FSTL4: variants seen among roughly 807,000 people sequenced by gnomAD.
FSTL4 encodes the protein follistatin like 4.
Under a neutral mutation model 78.2 loss-of-function variants are expected in FSTL4, and 28 were observed. The ratio of observed to expected loss-of-function variants is 0.36; its 90% confidence interval spans 0.27 to 0.49. FSTL4 has a LOEUF of 0.49. Among genes scored for constraint, FSTL4 ranks in the 20% least tolerant of loss-of-function variants. The pLI is 0.98. For synonymous variants in FSTL4, 422 were observed against 440.5 expected (o/e 0.96, Z 0.53); for missense variants, 922 against 1,084.9 (o/e 0.85, Z 2.11).
At chr5:133,597,317 C>T (rs571764326) in intron 2 of FSTL4, among the ~76,000 whole-genome samples, 2 of 152,242 alleles carry the variant, frequency 1.3e-5, no homozygotes, top group East Asian at 1.9e-4. Flanking sequence ...GAAGCAAAAG[C>T]AACAACCCAC....
intron 6 of FSTL4, among the ~76,000 whole-genome samples, chr5:133,287,173 G>A (rs1019946138): frequency 6.6e-6 from 1 of 152,120 alleles, no homozygotes; most frequent in African/African-American, 2.4e-5. Flanking sequence ...TGGATCACAA[G>A]GTCAGGAGAT....
chr5:133,295,697 A>G (rs1424529771), intron 6 of FSTL4, among the ~76,000 whole-genome samples: 2 of 152,098 alleles, frequency 1.3e-5, no homozygotes, highest in Admixed American at 6.5e-5. Context: ...TCCTCATCTT[A>G]ACTGAGCTTT....
chr5:133,637,412 C>T, the FSTL4 span, among the ~76,000 whole-genome samples: 4 of 152,044 alleles, frequency 2.6e-5, no homozygotes, highest in Non-Finnish European at 5.9e-5. Context: ...GATTGAGCAT[C>T]TACTATATTC....
chr5:133,474,389 G>A (rs1213086688), intron 3 of FSTL4, among the ~76,000 whole-genome samples: 2 of 152,172 alleles, frequency 1.3e-5, no homozygotes, highest in Non-Finnish European at 2.9e-5. Flanking sequence ...CGGAACACAG[G>A]TTCAGGCTGG....
the FSTL4 span, among the ~76,000 whole-genome samples, chr5:133,747,645 G>C: frequency 6.6e-6 from 1 of 152,284 alleles, no homozygotes; most frequent in South Asian, 2.1e-4. Flanking sequence ...TATGTAATCA[G>C]GCTCTAATAA....
Position 133,590,093 on chromosome 5 carries a change from C to CTTTATTTATTTATTTATTTATTTA in FSTL4, c.126+13741_126+13764dup, listed in dbSNP as rs60216054. Among the ~76,000 whole-genome samples the CTTTATTTATTTATTTATTTATTTA allele has an allele frequency of 2.7e-3, 404 of 149,138 alleles. 4 individuals are homozygous for CTTTATTTATTTATTTATTTATTTA. The highest frequency in any genetic ancestry group is 9.2e-3 in the African/African-American group (370 of 40,288). On this transcript the variant is annotated intron_variant, in intron 2 of 15. Transcript: ENST00000265342. The stretch of plus-strand genomic sequence containing the variant: ...TGAGAATTCCTATTGGGAATCTCCT[C>CTTTATTTATTTATTTATTTATTTA]TTTATTTATTTATTTATTTATTTAT...
At chr5:133,680,120 A>G in the FSTL4 span, among the ~76,000 whole-genome samples, 1 of 152,202 alleles carries the variant, frequency 6.6e-6, no homozygotes, top group African/African-American at 2.4e-5. Flanking sequence ...CCCAAAGTCT[A>G]CATACTAAAG....
intron 3 of FSTL4, among the ~76,000 whole-genome samples, chr5:133,516,002 C>T (rs893041603): frequency 1.3e-5 from 2 of 151,828 alleles, no homozygotes; most frequent in Non-Finnish European, 2.9e-5. Context: ...TAAATAAAAA[C>T]CTTAAGTAAA....
intron 4 of FSTL4, among the ~76,000 whole-genome samples, chr5:133,373,519 C>A (rs1281776913): frequency 6.6e-6 from 1 of 152,192 alleles, no homozygotes; most frequent in Non-Finnish European, 1.5e-5. Flanking sequence ...AAGAAGGAAC[C>A]AGTGTGAACA....
At chr5:133,474,095 C>T (rs901513869) in intron 3 of FSTL4, among the ~76,000 whole-genome samples, 1 of 152,196 alleles carries the variant, frequency 6.6e-6, no homozygotes, top group Non-Finnish European at 1.5e-5. Context: ...CTCACCTCAA[C>T]TCCGCCTGCT....
At chr5:133,344,389 T>A (rs1171530289) in intron 4 of FSTL4, among the ~76,000 whole-genome samples, 1 of 152,188 alleles carries the variant, frequency 6.6e-6, no homozygotes, top group Admixed American at 6.5e-5. Flanking sequence ...AAAGTGAAAA[T>A]GAATAAAGAA....
chr5:133,223,150 G>A (rs1751205865), intron 11 of FSTL4, among the ~76,000 whole-genome samples: 2 of 152,208 alleles, frequency 1.3e-5, no homozygotes, highest in South Asian at 4.1e-4. Flanking sequence ...GAGTGACTGT[G>A]CATCTCAGCC....
chr5:133,757,244 A>T, the FSTL4 span, among the ~76,000 whole-genome samples: 2 of 152,198 alleles, frequency 1.3e-5, no homozygotes, highest in African/African-American at 2.4e-5. Flanking sequence ...AATTTTAATA[A>T]TTTTTTTATC....
intron 13 of FSTL4, 111 bp from the exon 14 acceptor site, chr5:133,210,409 C>T (rs563150059): frequency 9.2e-6 from 5 of 545,438 alleles, no homozygotes; most frequent in African/African-American, 5.6e-5. Context: ...AGAAGCCTTG[C>T]CAATGGTTCC....
chr5:133,421,486 C>G (rs1268879769), intron 3 of FSTL4, among the ~76,000 whole-genome samples: 1 of 151,694 alleles, frequency 6.6e-6, no homozygotes, highest in Non-Finnish European at 1.5e-5. Flanking sequence ...CCAGGCCCGA[C>G]AGCTGAGCAT....
chr5:133,645,416 G>T, the FSTL4 span, among the ~76,000 whole-genome samples: 1 of 152,146 alleles, frequency 6.6e-6, no homozygotes, highest in Non-Finnish European at 1.5e-5. Flanking sequence ...GGACACCCAA[G>T]GTCAGGCATT....
At chr5:133,439,147 C>G (rs889866300) in intron 3 of FSTL4, among the ~76,000 whole-genome samples, 1 of 152,162 alleles carries the variant, frequency 6.6e-6, no homozygotes, top group Non-Finnish European at 1.5e-5. Flanking sequence ...CCAGCCCTTG[C>G]TAACATCTAA....
intron 3 of FSTL4, among the ~76,000 whole-genome samples, chr5:133,478,749 C>A (rs1426102045): frequency 6.6e-6 from 1 of 152,092 alleles, no homozygotes; most frequent in Non-Finnish European, 1.5e-5. Flanking sequence ...AATTTGCTCA[C>A]ACACACGAGT....
the FSTL4 span, among the ~76,000 whole-genome samples, chr5:133,690,391 A>G: frequency 6.6e-6 from 1 of 152,176 alleles, no homozygotes; most frequent in South Asian, 2.1e-4. Flanking sequence ...TTTGTCTTGC[A>G]AGCAAAATGC....
Sources: gnomAD v4.1 joint callset for allele counts (sites outside exome capture counted in the v4.1 genomes callset) on GRCh38, gnomAD v4.1.1 for gene constraint, MANE v1.5 for transcripts, NCBI Gene and HGNC (gene_info 2026-07-23, HGNC 2026-07-21) for gene names.